CLVS2: variants seen among roughly 807,000 people sequenced by gnomAD.
The protein encoded by CLVS2 is clavesin-2.
A neutral mutation model predicts 29.0 loss-of-function variants in CLVS2; 19 were observed. The ratio of observed to expected loss-of-function variants is 0.66; its 90% CI spans 0.46 to 0.96. The LOEUF is 0.96. Ranked by LOEUF, CLVS2 falls within the 40% of genes least tolerant of loss-of-function variation. The pLI is 0.00. For missense variants in CLVS2, 294 were observed against 404.1 expected, an observed-to-expected ratio of 0.73 and a Z score of 2.34; for synonymous variants, 161 against 151.3, an observed-to-expected ratio of 1.06 and a Z score of -0.47.
At position 123,048,551 on chromosome 6, in the gene CLVS2, T is replaced by C. The variant is rs1370173806; in HGVS notation, c.565-71T>C. 5 of 1,010,358 alleles carry C rather than the reference T, an allele frequency of 4.9e-6. No individual in the cohort carries two copies. In the East Asian group the frequency reaches 7.1e-5, roughly 14 times the overall value. 62.6% of individuals were successfully genotyped at this position (1,010,358 alleles called of 1,614,324 possible). A position where few individuals can be genotyped will look rare whatever the true frequency, so the allele number is the denominator to read the frequency against. ...TGTGAAAGAATAAATTTGTATACCA[T>C]ATAACCTTTCCTAAACCTTCTCAGT... On this transcript the variant is annotated intron_variant, in intron 3 of 5. Coordinates refer to ENST00000275162, the MANE Select transcript of CLVS2 (RefSeq NM_001010852.4).
chr6:123,020,603 G>A (rs1379860758), intron 3 of CLVS2, among the ~76,000 whole-genome samples: 1 of 152,032 alleles, frequency 6.6e-6, no homozygotes, highest in Non-Finnish European at 1.5e-5. Context: ...TAGAATCACT[G>A]TTAAGCTTCA....
At chr6:123,006,916 G>A (rs972127962) in intron 2 of CLVS2, among the ~76,000 whole-genome samples, 1 of 152,106 alleles carries the variant, frequency 6.6e-6, no homozygotes, top group African/African-American at 2.4e-5. Context: ...TTGGATGATC[G>A]CAGCAGGGAA....
At chr6:123,059,845 C>T (rs1249163842) in intron 5 of CLVS2, among the ~76,000 whole-genome samples, 2 of 152,170 alleles carry the variant, frequency 1.3e-5, no homozygotes, top group Non-Finnish European at 2.9e-5. Flanking sequence ...ATTAAATAGA[C>T]CATTTTCTCC....
At chr6:123,024,319 A>T (rs1197716015) in intron 3 of CLVS2, among the ~76,000 whole-genome samples, 1 of 152,190 alleles carries the variant, frequency 6.6e-6, no homozygotes, top group Non-Finnish European at 1.5e-5. Context: ...TTCCTAGGAC[A>T]CAAAACTTGA....
chr6:123,010,911 T>A (rs1562163787), intron 2 of CLVS2, 74 bp from the exon 3 acceptor site: 3 of 976,088 alleles, frequency 3.1e-6, no homozygotes, highest in East Asian at 5.6e-5. Flanking sequence ...ATTTTTAGTG[T>A]GCTAGAAAAT....
intron 2 of CLVS2, among the ~76,000 whole-genome samples, chr6:123,010,219 C>T (rs1774729147): frequency 6.6e-6 from 1 of 151,922 alleles, no homozygotes; most frequent in Non-Finnish European, 1.5e-5. Context: ...AGTTCCGTTG[C>T]CTCCATTGAA....
At chr6:123,055,496 G>A (rs1435787947) in intron 4 of CLVS2, among the ~76,000 whole-genome samples, 5 of 152,230 alleles carry the variant, frequency 3.3e-5, no homozygotes, top group South Asian at 2.1e-4. Flanking sequence ...CAGCATGTAC[G>A]TATTATTCTG....
rs1772849128 is a variant in CLVS2, at chr6:123,066,053, T to A, written c.*2292T>A. The A allele has an allele frequency of 6.6e-6, 1 of 151,754 alleles. No homozygotes were observed. The highest frequency in any genetic ancestry group is 1.5e-5 in the Non-Finnish European group (1 of 67,754). The allele number at this position is 151,754 out of a possible 1,614,324, so 9.4% of individuals were successfully genotyped here. Reference sequence around the variant, plus strand: ...GTTGGCTAGATTGTGTAAAATATTTTAAAATGAATGAACAAATTACAATGA... The same window carrying A: ...GTTGGCTAGATTGTGTAAAATATTTAAAAATGAATGAACAAATTACAATGA... On this transcript the variant is annotated 3_prime_UTR_variant, in exon 6 of 6. Transcript: ENST00000275162.
chr6:123,034,709 A>AG (rs764980022), intron 3 of CLVS2, among the ~76,000 whole-genome samples: 2 of 152,146 alleles, frequency 1.3e-5, no homozygotes, highest in Admixed American at 6.6e-5. Context: ...ACATGCACAC[A>AG]TTCACAAATG....
chr6:123,057,187 G>C (rs1039161470), intron 5 of CLVS2, among the ~76,000 whole-genome samples: 1 of 152,098 alleles, frequency 6.6e-6, no homozygotes, highest in Non-Finnish European at 1.5e-5. Context: ...GCCCCTGCAA[G>C]TCTCCCCTCA....
chr6:123,044,855 A>G (rs1772457162), intron 3 of CLVS2, among the ~76,000 whole-genome samples: 1 of 152,128 alleles, frequency 6.6e-6, no homozygotes, highest in Admixed American at 6.5e-5. Flanking sequence ...CTCAGTTTCC[A>G]AGCTTAACTT....
chr6:123,036,880 T>C (rs900836699), intron 3 of CLVS2, among the ~76,000 whole-genome samples: 1 of 152,142 alleles, frequency 6.6e-6, no homozygotes, highest in Non-Finnish European at 1.5e-5. Context: ...TGGCAAGTGA[T>C]TGGAAATCAT....
At position 122,997,712 on chromosome 6, in the gene CLVS2, G is replaced by A. The variant is rs1774531188; in HGVS notation, c.-66G>A. 1.3e-6 allele frequency: 2 copies of A among 1,529,246 alleles called. No individual in the cohort carries two copies. Among genetic ancestry groups the A allele is most frequent in the Non-Finnish European group, 1.8e-6 (2 of 1,124,014 alleles). 94.7% of individuals were successfully genotyped at this position (1,529,246 alleles called of 1,614,324 possible). On this transcript the variant is annotated 5_prime_UTR_variant, in exon 2 of 6. Coordinates refer to ENST00000275162, the MANE Select transcript of CLVS2 (RefSeq NM_001010852.4). ...GGGGGCTGGAGTCTGGTGGTGGCAA[G>A]GACCAGGTTTGCTTTGGGACAGTCA...
chr6:123,058,284 A>C (rs1384056990), intron 5 of CLVS2, among the ~76,000 whole-genome samples: 1 of 152,120 alleles, frequency 6.6e-6, no homozygotes, highest in African/African-American at 2.4e-5. Context: ...CACTGACATA[A>C]AGCCTGCCTA....
At chr6:123,008,854 CAT>C (rs1472434671) in intron 2 of CLVS2, among the ~76,000 whole-genome samples, 4 of 151,928 alleles carry the variant, frequency 2.6e-5, no homozygotes, top group Non-Finnish European at 2.9e-5. Flanking sequence ...TTCACCCACA[CAT>C]GTTTCAGAGA....
chr6:123,034,074 A>G (rs1270289218), intron 3 of CLVS2, among the ~76,000 whole-genome samples: 1 of 152,154 alleles, frequency 6.6e-6, no homozygotes, highest in Non-Finnish European at 1.5e-5. Flanking sequence ...AAGGCTAGCA[A>G]AGATGAGGAG....
chr6:123,018,668 C>CTT (rs5879660), intron 3 of CLVS2, among the ~76,000 whole-genome samples: 312 of 138,348 alleles, frequency 2.3e-3, no homozygotes, highest in Admixed American at 3.4e-3. Context: ...TTCTGAATAG[C>CTT]TTTTTTTTTT....
rs1293785649 is a variant in CLVS2, at chr6:123,052,995, ATAGT to A, written c.676-2808_676-2805del. Among the ~76,000 whole-genome samples the A allele has an allele frequency of 1.3e-5, 2 of 149,940 alleles. 1 individual carries two copies. The highest frequency in any genetic ancestry group is 1.3e-4 in the Admixed American group (2 of 15,092). On this transcript the variant is annotated intron_variant, in intron 4 of 5. Coordinates refer to ENST00000275162, the MANE Select transcript of CLVS2 (RefSeq NM_001010852.4). Reference sequence around the variant, plus strand: ...TTAAAGAAATCACCAATGAGAAAATATAGTTAAAGAAGAGAAAAAATCCAAAGAC... The same window carrying A: ...TTAAAGAAATCACCAATGAGAAAATATAAAGAAGAGAAAAAATCCAAAGAC...
chr6:123,043,431 T>A (rs1220515121), intron 3 of CLVS2, among the ~76,000 whole-genome samples: 2 of 152,172 alleles, frequency 1.3e-5, no homozygotes, highest in Non-Finnish European at 2.9e-5. Flanking sequence ...ATGTAATTTC[T>A]AGGTGCTGGG....
Sources: allele counts gnomAD v4.1 joint callset (sites outside exome capture counted in the v4.1 genomes callset), GRCh38; gene constraint gnomAD v4.1.1; transcripts MANE v1.5; gene names NCBI Gene and HGNC (gene_info 2026-07-23, HGNC 2026-07-21).